The following ORC3 variants were observed in gnomAD, a reference collection of about 807,000 sequenced individuals.
ORC3 encodes origin recognition complex subunit 3.
In ORC3, 78 loss-of-function variants were observed where a neutral mutation model predicts 100.7. The ratio of observed to expected loss-of-function variants is 0.77; its 90% confidence interval spans 0.65 to 0.94. ORC3 has a LOEUF of 0.94. Ranked by LOEUF, ORC3 falls within the 40% of genes least tolerant of loss-of-function variation. The pLI, the probability that ORC3 is intolerant of heterozygous loss-of-function variation, is 0.00. For synonymous variants in ORC3, 295 were observed against 289.3 expected (o/e 1.02, Z -0.20); for missense variants, 789 against 823.9 (o/e 0.96, Z 0.52).
chr6:87,665,618 GT>G, intron 18 of ORC3, 135 bp from the exon 19 acceptor site: 1 of 595,062 alleles, frequency 1.7e-6, no homozygotes, highest in African/African-American at 1.9e-5. Flanking sequence ...GTGATCATCA[GT>G]GTAGTTTTGA....
At chr6:87,621,818 C>T (rs2128264894) in intron 10 of ORC3, 132 bp from the exon 11 acceptor site, 1 of 641,542 alleles carries the variant, frequency 1.6e-6, no homozygotes, top group Non-Finnish European at 2.7e-6. Context: ...AAATGTCATA[C>T]TGAATTTATT....
At chr6:87,597,692 C>CAT (rs1400237073) in intron 2 of ORC3, among the ~76,000 whole-genome samples, 8 of 150,612 alleles carry the variant, frequency 5.3e-5, no homozygotes, top group Admixed American at 4.0e-4. Flanking sequence ...CACACACACA[C>CAT]ACACACACAC....
intron 13 of ORC3, among the ~76,000 whole-genome samples, chr6:87,641,745 AAAAAT>A (rs1271599883): frequency 6.6e-6 from 1 of 152,240 alleles, no homozygotes; most frequent in Admixed American, 6.5e-5. Context: ...CATTGAGTAA[AAAAAT>A]AAAATAAAAT....
intron 7 of ORC3, chr6:87,609,489 A>T: frequency 3.4e-6 from 1 of 290,740 alleles, no homozygotes; most frequent in Admixed American, 4.9e-5. Context: ...TCTCACCAAG[A>T]TTGACTGTCT....
intron 19 of ORC3, among the ~76,000 whole-genome samples, chr6:87,666,060 G>T (rs1429859394): frequency 1.3e-5 from 2 of 152,068 alleles, no homozygotes; most frequent in Non-Finnish European, 2.9e-5. Context: ...TTTATATCAA[G>T]ATTATATTTT....
At chr6:87,643,753 AC>A (rs1768471738) in intron 13 of ORC3, among the ~76,000 whole-genome samples, 1 of 152,152 alleles carries the variant, frequency 6.6e-6, no homozygotes, top group Non-Finnish European at 1.5e-5. Flanking sequence ...TTTCTTGTGA[AC>A]TCAGGGTTAT....
At chr6:87,655,340 A>G (rs1051641905) in intron 14 of ORC3, among the ~76,000 whole-genome samples, 7 of 149,038 alleles carry the variant, frequency 4.7e-5, no homozygotes, top group African/African-American at 1.7e-4. Flanking sequence ...AAAGGGCCAC[A>G]ACATCCAGCT....
At chr6:87,603,322 A>C (rs1031570401) in intron 3 of ORC3, 62 bp from the exon 4 acceptor site, 2 of 891,066 alleles carry the variant, frequency 2.2e-6, no homozygotes, top group East Asian at 5.5e-5. Flanking sequence ...TTCTTTCCAC[A>C]ACCAGGAAAG....
At chr6:87,647,160 A>G (rs546173573) in intron 13 of ORC3, among the ~76,000 whole-genome samples, 1 of 152,282 alleles carries the variant, frequency 6.6e-6, no homozygotes, top group African/African-American at 2.4e-5. Flanking sequence ...TATTTCAGAT[A>G]ATGTTACTCC....
At position 87,590,135 on chromosome 6, in the gene ORC3, G is replaced by A. The variant is rs777478399; in HGVS notation, c.-34G>A. The A allele has an allele frequency of 6.2e-7, 1 of 1,613,940 alleles. No individual in the cohort carries two copies. The highest frequency in any genetic ancestry group is 8.5e-7 in the Non-Finnish European group (1 of 1,179,768). On this transcript the variant is annotated 5_prime_UTR_variant, in exon 1 of 20. Transcript: ENST00000392844. ...GCCGCGAGGGCGCGCGGGAAATCCC[G>A]AGTGCATCTGGAATACGCAGAGTCA...
chr6:87,615,019 G>A (rs1482549448), intron 8 of ORC3, among the ~76,000 whole-genome samples: 9 of 152,064 alleles, frequency 5.9e-5, no homozygotes, highest in Non-Finnish European at 1.2e-4. Context: ...TTCTCACACC[G>A]CTGATAAAGA....
chr6:87,601,186 A>G (rs1487237857), intron 2 of ORC3, among the ~76,000 whole-genome samples: 1 of 152,238 alleles, frequency 6.6e-6, no homozygotes, highest in Non-Finnish European at 1.5e-5. Context: ...TATTAAATGT[A>G]TATAACTCAA....
intron 3 of ORC3, 132 bp downstream of exon 3, chr6:87,602,013 C>T: frequency 1.6e-6 from 1 of 612,370 alleles, no homozygotes; most frequent in South Asian, 2.1e-5. Context: ...GCCTGTATAT[C>T]CTTAAAAAAA....
At chr6:87,622,186 C>T (rs1779586289) in intron 11 of ORC3, among the ~76,000 whole-genome samples, 173 bp downstream of exon 11, 1 of 151,986 alleles carries the variant, frequency 6.6e-6, no homozygotes, top group African/African-American at 2.4e-5. Context: ...TGACATAAAA[C>T]CTTAGCTCTA....
rs1554236515 is a variant in ORC3, at chr6:87,602,954, A to ATTTATATATATATATATAT, written c.178-430_178-429insTTTATATATATATATATAT. Among the ~76,000 whole-genome samples the ATTTATATATATATATATAT allele has an allele frequency of 2.2e-3, 211 of 95,140 alleles. 2 individuals are homozygous for ATTTATATATATATATATAT. The highest frequency in any genetic ancestry group is 3.2e-3 in the Admixed American group (23 of 7,210). 62.4% of individuals were successfully genotyped at this position (95,140 alleles called of 152,430 possible). On this transcript the variant is annotated intron_variant, in intron 3 of 19. Coordinates refer to ENST00000392844, the MANE Select transcript of ORC3 (RefSeq NM_012381.4). Reference sequence around the variant, plus strand: ...CGTTTATATATATATACACATATATAATATATATATATATATACATATATA... The same window carrying ATTTATATATATATATATAT: ...CGTTTATATATATATACACATATATATTTATATATATATATATATATATATATATATATATACATATATA...
intron 12 of ORC3, among the ~76,000 whole-genome samples, chr6:87,635,475 G>T (rs17455002): frequency 6.6e-6 from 1 of 152,284 alleles, no homozygotes; most frequent in East Asian, 1.9e-4. Flanking sequence ...TTAGCTCAAA[G>T]CTTTGGAGAA....
In ORC3 at chr6:87,601,746, A is replaced by G. The variant is rs1325407136; in HGVS notation, c.80-38A>G. On this transcript the variant is annotated intron_variant, in intron 2 of 19. Coordinates refer to ENST00000392844, the MANE Select transcript of ORC3 (RefSeq NM_012381.4). Reference sequence around the variant, plus strand: ...TAAGATCTATAACTTATACTATTATATGAAAAAAGAAACTGACTTATTTCT... The same window carrying G: ...TAAGATCTATAACTTATACTATTATGTGAAAAAAGAAACTGACTTATTTCT... 4.3e-6 allele frequency: 5 copies of G among 1,163,698 alleles called. No individual in the cohort carries two copies. In the Admixed American group the frequency reaches 9.0e-5, roughly 21 times the overall value. The allele number at this position is 1,163,698 out of a possible 1,614,324, so 72.1% of individuals were successfully genotyped here. A position where few individuals can be genotyped will look rare whatever the true frequency, so the allele number is the denominator to read the frequency against.
intron 13 of ORC3, chr6:87,650,963 C>T (rs957834516): frequency 3.6e-5 from 12 of 335,668 alleles, no homozygotes; most frequent in Admixed American, 1.5e-4. Context: ...GCCGAGATCA[C>T]GCCATTGCAC....
intron 2 of ORC3, among the ~76,000 whole-genome samples, chr6:87,598,281 C>T (rs1455982735): frequency 6.6e-6 from 1 of 152,126 alleles, no homozygotes; most frequent in African/African-American, 2.4e-5. Flanking sequence ...CCTTGGCCTC[C>T]CAAAGCGCTG....
Sources: gnomAD v4.1 joint callset for allele counts (sites outside exome capture counted in the v4.1 genomes callset) on GRCh38, gnomAD v4.1.1 for gene constraint, MANE v1.5 for transcripts, NCBI Gene and HGNC (gene_info 2026-07-23, HGNC 2026-07-21) for gene names.